The following PACRG variants were observed in gnomAD, a reference collection of about 807,000 sequenced individuals.
PACRG encodes the protein parkin coregulated gene protein.
Under a neutral mutation model 29.7 loss-of-function variants are expected in PACRG, and 29 were observed. That is an observed-to-expected ratio of 0.98 (90% CI 0.73 to 1.33). The LOEUF (loss-of-function observed/expected upper bound fraction) is 1.33. PACRG is among the 40% of genes most tolerant of loss of function. The pLI is 0.00. For synonymous variants in PACRG, 116 were observed against 118.7 expected (o/e 0.98, Z 0.15); for missense variants, 279 against 316.2 (o/e 0.88, Z 0.89).
chr6:162,996,739 C>T (rs1033287134), intron 2 of PACRG, among the ~76,000 whole-genome samples: 1 of 152,134 alleles, frequency 6.6e-6, no homozygotes, highest in African/African-American at 2.4e-5. Context: ...AAAGTATTAA[C>T]AGTAACTGTC....
chr6:162,932,561 A>G (rs1797931114), intron 2 of PACRG, among the ~76,000 whole-genome samples: 1 of 151,914 alleles, frequency 6.6e-6, no homozygotes, highest in Non-Finnish European at 1.5e-5. Context: ...CAATTTTGTT[A>G]CTTACTATTG....
At chr6:162,794,010 AG>A (rs1471090346) in intron 1 of PACRG, among the ~76,000 whole-genome samples, 1 of 152,216 alleles carries the variant, frequency 6.6e-6, no homozygotes, top group Non-Finnish European at 1.5e-5. Context: ...AAATTTAAAA[AG>A]TATGCATTTT....
chr6:163,168,917 A>G (rs1388873594), intron 4 of PACRG, among the ~76,000 whole-genome samples: 2 of 152,226 alleles, frequency 1.3e-5, no homozygotes, highest in Non-Finnish European at 2.9e-5. Flanking sequence ...GAAAGTTAAT[A>G]CACTGATTTT....
At chr6:162,974,783 A>G (rs1801811329) in intron 2 of PACRG, among the ~76,000 whole-genome samples, 1 of 152,232 alleles carries the variant, frequency 6.6e-6, no homozygotes, top group South Asian at 2.1e-4. Context: ...GTTACAGATG[A>G]TAAAACTGAA....
intron 2 of PACRG, among the ~76,000 whole-genome samples, chr6:162,979,178 G>C (rs1174182181): frequency 6.6e-6 from 1 of 152,128 alleles, no homozygotes; most frequent in Non-Finnish European, 1.5e-5. Flanking sequence ...CACTTTGCCA[G>C]TCCAAGATGC....
rs1221644816 is a variant in PACRG, at chr6:162,796,522, T to TG, written c.157-17624dup. On this transcript the variant is annotated intron_variant, in intron 1 of 4. Coordinates refer to ENST00000366888, the MANE Select transcript of PACRG (RefSeq NM_001080379.2). ...TATCACCTATAGCCCTTATTTTTTA[T>TG]GATAGCTATTAATTCCCTAATATGA... is the stretch of plus-strand genomic sequence containing the variant. 3.2e-4 allele frequency among the ~76,000 whole-genome samples: 48 copies of TG among 152,182 alleles called. 1 individual carries two copies. Among genetic ancestry groups the TG allele is most frequent in the Admixed American group, 3.1e-3 (48 of 15,284 alleles).
intron 2 of PACRG, among the ~76,000 whole-genome samples, chr6:162,859,008 C>T (rs548261011): frequency 6.6e-6 from 1 of 152,160 alleles, no homozygotes; most frequent in Non-Finnish European, 1.5e-5. Context: ...TAAAACAGTA[C>T]ACAAAGGTGC....
rs187846958 is a variant in PACRG, at chr6:163,139,229, T to C, written c.613+49821T>C. Reference sequence around the variant, plus strand: ...ACACCACGCAAGTCCCTGCCTCGTCTTCACATTGCCTCCCGCTCTTCTGTG... The same window carrying C: ...ACACCACGCAAGTCCCTGCCTCGTCCTCACATTGCCTCCCGCTCTTCTGTG... On this transcript the variant is annotated intron_variant, in intron 4 of 4. Transcript: ENST00000366888. Among the ~76,000 whole-genome samples the C allele has an allele frequency of 3.9e-5, 6 of 152,370 alleles. No individual in the cohort carries two copies. In the East Asian group the frequency reaches 1.2e-3, roughly 29 times the overall value.
intron 2 of PACRG, chr6:162,957,533 G>A (rs1301313736): frequency 3.0e-6 from 1 of 328,988 alleles, no homozygotes; most frequent in Non-Finnish European, 5.9e-6. Flanking sequence ...AGTTTTGCTA[G>A]AGCTGTATTG....
intron 2 of PACRG, among the ~76,000 whole-genome samples, chr6:162,911,392 C>G (rs1796292089): frequency 6.6e-6 from 1 of 152,188 alleles, no homozygotes; most frequent in Non-Finnish European, 1.5e-5. Context: ...GATTTTCTAC[C>G]TCCTATTACC....
chr6:162,944,634 G>A (rs1255584461), intron 2 of PACRG, among the ~76,000 whole-genome samples: 2 of 151,976 alleles, frequency 1.3e-5, no homozygotes, highest in Admixed American at 6.6e-5. Context: ...ATTATAAAAA[G>A]CATCAAACAG....
intron 4 of PACRG, among the ~76,000 whole-genome samples, chr6:163,125,320 G>A (rs547539): frequency 0.012 from 1,796 of 152,174 alleles, 31 homozygotes; most frequent in African/African-American, 0.042. Context: ...ATATAATTTT[G>A]TTAAATAATT....
intron 2 of PACRG, among the ~76,000 whole-genome samples, chr6:162,816,421 T>C (rs972517657): frequency 3.3e-5 from 5 of 152,278 alleles, no homozygotes; most frequent in African/African-American, 7.2e-5. Context: ...GACACGATCT[T>C]GGCTCACTGC....
At chr6:163,312,255 T>A (rs1415206907) in intron 4 of PACRG, among the ~76,000 whole-genome samples, 1 of 152,118 alleles carries the variant, frequency 6.6e-6, no homozygotes, top group African/African-American at 2.4e-5. Flanking sequence ...TGAGGGGACA[T>A]TTGTCCCTGC....
intron 2 of PACRG, among the ~76,000 whole-genome samples, chr6:162,898,025 C>T (rs1391168043): frequency 2.0e-5 from 3 of 152,206 alleles, no homozygotes; most frequent in East Asian, 3.9e-4. Flanking sequence ...TCTACATTCA[C>T]AGACACTTTC....
rs956523331 is a variant in PACRG at position 163,136,032 on chromosome 6, A to G, written c.613+46624A>G. Among the ~76,000 whole-genome samples, 9 of 152,244 alleles carry G rather than the reference A, an allele frequency of 5.9e-5. No individual in the cohort carries two copies. The South Asian group carries it at 1.9e-3, about 32-fold the overall frequency. On this transcript the variant is annotated intron_variant, in intron 4 of 4. Coordinates refer to ENST00000366888, the MANE Select transcript of PACRG (RefSeq NM_001080379.2). ...ATTATGAATACTACTGTTTGGTCATATGTGTTTGCAGACTTTAGTTTTTGT... is the reference window on the plus strand; with the variant it reads ...ATTATGAATACTACTGTTTGGTCATGTGTGTTTGCAGACTTTAGTTTTTGT...
chr6:163,086,785 T>C (rs1056802905), intron 3 of PACRG, among the ~76,000 whole-genome samples: 2 of 152,162 alleles, frequency 1.3e-5, no homozygotes, highest in African/African-American at 4.8e-5. Context: ...GCACTTAGGA[T>C]AAGTTTGAAC....
At chr6:163,153,360 C>G (rs1178126577) in intron 4 of PACRG, among the ~76,000 whole-genome samples, 1 of 152,168 alleles carries the variant, frequency 6.6e-6, no homozygotes, top group East Asian at 1.9e-4. Context: ...GCTTCTGTTT[C>G]ATTCATCCAC....
intron 1 of PACRG, among the ~76,000 whole-genome samples, chr6:162,797,083 A>C (rs9347689): frequency 0.43 from 65,780 of 152,016 alleles, 16,057 homozygotes; most frequent in African/African-American, 0.66. Flanking sequence ...TCGAGACCAG[A>C]CTGGCCAACA....
Sources: gnomAD v4.1 joint callset for allele counts (sites outside exome capture counted in the v4.1 genomes callset) on GRCh38, gnomAD v4.1.1 for gene constraint, MANE v1.5 for transcripts, NCBI Gene and HGNC (gene_info 2026-07-23, HGNC 2026-07-21) for gene names.